JARID2: variants seen among roughly 807,000 people sequenced by gnomAD.
JARID2 encodes protein Jumonji.
In JARID2, 21 loss-of-function variants were observed where a neutral mutation model predicts 125.6. The observed-to-expected ratio is 0.17, with a 90% CI of 0.12 to 0.24. The LOEUF (loss-of-function observed/expected upper bound fraction) is 0.24. Among genes scored for constraint, JARID2 ranks in the 10% least tolerant of loss-of-function variants. The probability of loss-of-function intolerance (pLI) is 1.00; values close to 1 mark genes in which losing one functional copy is unlikely to be tolerated. For missense variants in JARID2, 1,303 were observed against 1,639.6 expected (o/e 0.79, Z 3.55); for synonymous variants, 736 against 661.6 (o/e 1.11, Z -1.73).
At chr6:15,269,549 T>G (rs1760216949) in intron 1 of JARID2, among the ~76,000 whole-genome samples, 1 of 151,648 alleles carries the variant, frequency 6.6e-6, no homozygotes, top group Non-Finnish European at 1.5e-5. Flanking sequence ...TTAATTTTTT[T>G]TTGTAGAGAT....
intron 1 of JARID2, among the ~76,000 whole-genome samples, chr6:15,261,567 G>T (rs982519923): frequency 3.3e-5 from 5 of 152,028 alleles, no homozygotes; most frequent in African/African-American, 1.2e-4. Flanking sequence ...TGATCTGCCC[G>T]CCTTGGCCTC....
chr6:15,426,696 TA>T (rs1219446587), intron 3 of JARID2, among the ~76,000 whole-genome samples: 6 of 152,190 alleles, frequency 3.9e-5, no homozygotes, highest in Non-Finnish European at 7.4e-5. Context: ...TTCACCTTAG[TA>T]AATGAAAAAC....
intron 1 of JARID2, among the ~76,000 whole-genome samples, chr6:15,326,318 G>A (rs1204886507): frequency 1.3e-5 from 2 of 152,060 alleles, no homozygotes; most frequent in Non-Finnish European, 2.9e-5. Context: ...CAATACTCTC[G>A]CCTCAGCCTT....
At chr6:15,489,772 G>A (rs1770058096) in intron 6 of JARID2, among the ~76,000 whole-genome samples, 1 of 152,214 alleles carries the variant, frequency 6.6e-6, no homozygotes, top group African/African-American at 2.4e-5. Flanking sequence ...TGCTTCCGGG[G>A]CTCAGGGTAG....
In JARID2 at chr6:15,496,526, G is replaced by C. The variant is rs1770438456; in HGVS notation, c.1301G>C (p.Arg434Pro). The C allele has an allele frequency of 6.2e-7, 1 of 1,608,116 alleles. No homozygotes were observed. Among genetic ancestry groups the C allele is most frequent in the Non-Finnish European group, 8.5e-7 (1 of 1,177,714 alleles). The change falls in exon 7 of 18, where the codon CGG becomes CCG. Residue 434 changes from arginine (R) to proline (P), a missense_variant. By Grantham distance (103) the Arg-to-Pro change is moderately radical. Around this residue, in one of 11 missense-constraint regions of JARID2, gnomAD observed 651 missense variants for 581.6 expected, o/e 1.12. Transcript: ENST00000341776. ...CAGCTGCGGGAGGGCCTGCAGCTGC[G>C]GGAGGGGCTGCGGAACTCCAAGAGG... ...GRQLREGLQL[R>P]EGLRNSKRRL...
At position 15,308,062 on chromosome 6, in the gene JARID2, CCTT is replaced by C. The variant is rs1330391302; in HGVS notation, c.45+61479_45+61481del. Among the ~76,000 whole-genome samples the C allele has an allele frequency of 1.4e-4, 22 of 152,198 alleles. 1 individual carries two copies. The highest frequency in any genetic ancestry group is 8.8e-5 in the Non-Finnish European group (6 of 68,044). On this transcript the variant is annotated intron_variant, in intron 1 of 17. Coordinates refer to ENST00000341776, the MANE Select transcript of JARID2 (RefSeq NM_004973.4). ...AGAATGGTTGGTAACGGTTCTTCCT[CCTT>C]AAATTTTTCTGGTTTTCTGAAAGGG...
chr6:15,369,491 T>C (rs148980382), intron 1 of JARID2, among the ~76,000 whole-genome samples: 3 of 152,272 alleles, frequency 2.0e-5, no homozygotes, highest in Non-Finnish European at 4.4e-5. Flanking sequence ...CCAGAATGCA[T>C]GGGGTGCTTG....
At position 15,425,736 on chromosome 6, in the gene JARID2, G is replaced by T. The variant is rs993681556; in HGVS notation, c.323+15371G>T. Among the ~76,000 whole-genome samples, 4 of 152,088 alleles carry T rather than the reference G, an allele frequency of 2.6e-5. 1 individual carries two copies. The highest frequency in any genetic ancestry group is 4.4e-5 in the Non-Finnish European group (3 of 68,020). ...TAAATTTCTGTTCTTTATATGTTAC[G>T]CAGTGTTAAGCATTCTGTAATAGAA... On this transcript the variant is annotated intron_variant, in intron 3 of 17. Transcript: ENST00000341776.
chr6:15,359,714 C>CT (rs112384616), intron 1 of JARID2, among the ~76,000 whole-genome samples: 11,238 of 144,416 alleles, frequency 0.078, 757 homozygotes, highest in African/African-American at 0.19. Flanking sequence ...TTTCTTTTTC[C>CT]TTTTTTTTTT....
rs1037822028 is a variant in JARID2 at position 15,521,010 on chromosome 6, G to A, written c.*759G>A. 1 of 156,628 alleles carries A rather than the reference G, an allele frequency of 6.4e-6. No individual in the cohort carries two copies. Among genetic ancestry groups the A allele is most frequent in the Non-Finnish European group, 1.3e-5 (1 of 77,412 alleles). The allele number at this position is 156,628 out of a possible 1,614,324, so 9.7% of individuals were successfully genotyped here. ...CTGATTTCATTAGGAAATCCATTCT[G>A]TTATTTTTTGGTGCTGTTGGCTACT... On this transcript the variant is annotated 3_prime_UTR_variant, in exon 18 of 18. Transcript: ENST00000341776.
intron 1 of JARID2, among the ~76,000 whole-genome samples, chr6:15,294,070 A>G (rs1337079416): frequency 3.3e-5 from 5 of 152,210 alleles, no homozygotes. Context: ...ATAATAGGCA[A>G]CAGCTGCCCC....
chr6:15,285,126 T>C (rs1760946963), intron 1 of JARID2, among the ~76,000 whole-genome samples: 2 of 144,090 alleles, frequency 1.4e-5, no homozygotes, highest in Admixed American at 6.9e-5. Flanking sequence ...TTTTTTTTTT[T>C]TGAAAGGAAG....
At chr6:15,345,518 AAGT>A (rs1314890135) in intron 1 of JARID2, among the ~76,000 whole-genome samples, 1 of 152,208 alleles carries the variant, frequency 6.6e-6, no homozygotes, top group East Asian at 1.9e-4. Flanking sequence ...TTTTGATAGG[AAGT>A]AGTATATGGA....
In JARID2 at chr6:15,492,339, CTTCCTG is replaced by C. The variant is rs1228732345; in HGVS notation, c.907-3791_907-3786del. 1.4e-4 allele frequency among the ~76,000 whole-genome samples: 22 copies of C among 152,354 alleles called. No individual in the cohort carries two copies. The East Asian group carries it at 4.2e-3, about 29-fold the overall frequency. On this transcript the variant is annotated intron_variant, in intron 6 of 17. Coordinates refer to ENST00000341776, the MANE Select transcript of JARID2 (RefSeq NM_004973.4). ...CTAATTCTTCAGTGAGTTCAGATGA[CTTCCTG>C]TGTGTGCTCTTCTGTGGAATCCCTC...
chr6:15,464,120 C>G (rs1768592906), intron 4 of JARID2, among the ~76,000 whole-genome samples: 1 of 152,076 alleles, frequency 6.6e-6, no homozygotes, highest in South Asian at 2.1e-4. Flanking sequence ...ACCATTTTTA[C>G]TTTGGCATGA....
At chr6:15,387,746 C>T (rs1313891329) in intron 2 of JARID2, among the ~76,000 whole-genome samples, 1 of 152,072 alleles carries the variant, frequency 6.6e-6, no homozygotes, top group Admixed American at 6.6e-5. Context: ...ACCCTTAGAG[C>T]TGTTTGACCT....
At chr6:15,450,888 C>CT (rs1454232161) in intron 3 of JARID2, among the ~76,000 whole-genome samples, 3 of 152,242 alleles carry the variant, frequency 2.0e-5, no homozygotes, top group Non-Finnish European at 4.4e-5. Flanking sequence ...TGGCTCACGC[C>CT]TGTAATCCCA....
At chr6:15,441,393 C>CT (rs1386453482) in intron 3 of JARID2, among the ~76,000 whole-genome samples, 2 of 152,142 alleles carry the variant, frequency 1.3e-5, no homozygotes, top group African/African-American at 2.4e-5. Context: ...TTTAGCATTC[C>CT]TTTTTTTCCC....
intron 1 of JARID2, among the ~76,000 whole-genome samples, chr6:15,366,975 CTT>C (rs1478697547): frequency 5.9e-5 from 9 of 151,892 alleles, no homozygotes; most frequent in Admixed American, 5.9e-4. Flanking sequence ...AAAAAAAAGT[CTT>C]TGTGTCATTG....
Sources: gnomAD v4.1 joint callset for allele counts (sites outside exome capture counted in the v4.1 genomes callset) on GRCh38, gnomAD v4.1.1 for gene constraint, gnomAD v4.1.1 regional missense constraint, MANE v1.5 for transcripts, NCBI Gene and HGNC (gene_info 2026-07-23, HGNC 2026-07-21) for gene names.